AP3B1: variants seen among roughly 807,000 people sequenced by gnomAD.
AP3B1 encodes the protein AP-3 complex subunit beta-1.
Under a neutral mutation model 132.5 loss-of-function variants are expected in AP3B1, and 61 were observed. The ratio of observed to expected loss-of-function variants is 0.46; its 90% CI spans 0.37 to 0.57. The LOEUF (loss-of-function observed/expected upper bound fraction) is 0.57. Among genes scored for constraint, AP3B1 ranks in the 20% least tolerant of loss-of-function variants. The probability of loss-of-function intolerance (pLI) is 0.00; values close to 1 mark genes in which losing one functional copy is unlikely to be tolerated. For synonymous variants in AP3B1, 388 were observed against 438.3 expected (o/e 0.89, Z 1.43); for missense variants, 1,120 against 1,289.4 (o/e 0.87, Z 2.01).
At chr5:78,282,848 C>CA (rs70997985) in intron 1 of AP3B1, among the ~76,000 whole-genome samples, 32,627 of 128,922 alleles carry the variant, frequency 0.25, 4,322 homozygotes, top group Middle Eastern at 0.33. Flanking sequence ...TTGTCTCTAC[C>CA]AAAAAAAAAA....
intron 24 of AP3B1, among the ~76,000 whole-genome samples, chr5:78,031,685 T>A (rs184276229): frequency 5.3e-5 from 8 of 152,336 alleles, no homozygotes; most frequent in Admixed American, 1.3e-4. Context: ...GCCAGATTGG[T>A]TCTTACCATT....
chr5:78,292,826 G>GT (rs35617749), intron 1 of AP3B1, among the ~76,000 whole-genome samples: 42,334 of 151,096 alleles, frequency 0.28, 6,351 homozygotes, highest in Middle Eastern at 0.39. Context: ...AAAGCCGTAA[G>GT]TTTTTTTTGT....
At chr5:78,243,273 CCATTCATTCATT>C (rs148044734) in intron 2 of AP3B1, among the ~76,000 whole-genome samples, 10 of 151,820 alleles carry the variant, frequency 6.6e-5, no homozygotes, top group South Asian at 6.2e-4. Context: ...AGGACCCCTG[CCATTCATTCATT>C]CATTCATTCA....
chr5:78,255,309 G>A (rs1747804692), intron 2 of AP3B1, among the ~76,000 whole-genome samples: 1 of 151,868 alleles, frequency 6.6e-6, no homozygotes, highest in South Asian at 2.1e-4. Flanking sequence ...GTGGCCGAAT[G>A]GATGAAAAAA....
intron 15 of AP3B1, among the ~76,000 whole-genome samples, chr5:78,131,410 T>G (rs1752682765): frequency 6.6e-6 from 1 of 152,068 alleles, no homozygotes; most frequent in South Asian, 2.1e-4. Context: ...GACAATCATG[T>G]AATCTCAGAG....
At position 78,262,797 on chromosome 5, in the gene AP3B1, C is replaced by G. The variant is rs949491351; in HGVS notation, c.204+4723G>C. Among the ~76,000 whole-genome samples, 2 of 151,544 alleles carry G rather than the reference C, an allele frequency of 1.3e-5. 1 individual carries two copies. Among genetic ancestry groups the G allele is most frequent in the South Asian group, 4.2e-4 (2 of 4,774 alleles). On this transcript the variant is annotated intron_variant, in intron 2 of 26. Transcript: ENST00000255194. ...AAGCGATACCACAACCTCAGCCTCC[C>G]AAGCAGCTGGGACCACAGGCACAGG...
At chr5:78,020,825 A>G in intron 24 of AP3B1, 36 bp from the exon 25 acceptor site, 1 of 1,480,388 alleles carries the variant, frequency 6.8e-7, no homozygotes, top group South Asian at 1.1e-5. Flanking sequence ...TAAATGCTTC[A>G]TAAATAAACA....
chr5:78,126,104 C>T (rs997183347), intron 17 of AP3B1, among the ~76,000 whole-genome samples: 9 of 150,172 alleles, frequency 6.0e-5, no homozygotes, highest in Non-Finnish European at 8.9e-5. Context: ...AAAAAACGAA[C>T]CATAAAAACA....
chr5:78,104,242 T>G (rs1751243456), intron 20 of AP3B1, among the ~76,000 whole-genome samples: 1 of 152,154 alleles, frequency 6.6e-6, no homozygotes, highest in African/African-American at 2.4e-5. Context: ...AATATGATTT[T>G]AAAAATCTGA....
At chr5:78,190,939 A>G (rs1744800869) in intron 7 of AP3B1, among the ~76,000 whole-genome samples, 1 of 152,160 alleles carries the variant, frequency 6.6e-6, no homozygotes, top group Non-Finnish European at 1.5e-5. Context: ...CTCATACTTG[A>G]GGATTTATAA....
chr5:78,176,576 C>A (rs1744157093), intron 9 of AP3B1, among the ~76,000 whole-genome samples: 2 of 152,046 alleles, frequency 1.3e-5, no homozygotes, highest in Admixed American at 1.3e-4. Context: ...ATTAAAACAA[C>A]TAATTACTGA....
At chr5:78,167,630 T>TAC (rs766621981) in intron 11 of AP3B1, among the ~76,000 whole-genome samples, 1,612 of 150,786 alleles carry the variant, frequency 0.011, 21 homozygotes, top group African/African-American at 0.028. Context: ...ATGTTATATA[T>TAC]ATACACACAC....
chr5:78,043,669 A>G, intron 22 of AP3B1: 1 of 454,762 alleles, frequency 2.2e-6, no homozygotes, highest in Non-Finnish European at 4.4e-6. Flanking sequence ...AGGAACCCCC[A>G]GCAGAGACTC....
At chr5:78,225,471 A>G in intron 6 of AP3B1, 71 bp downstream of exon 6, 5 of 830,004 alleles carry the variant, frequency 6.0e-6, no homozygotes, top group Non-Finnish European at 9.7e-6. Context: ...TATATAAAAT[A>G]TATAATGGTA....
intron 22 of AP3B1, among the ~76,000 whole-genome samples, chr5:78,083,518 A>G (rs1265018672): frequency 1.3e-5 from 2 of 151,990 alleles, no homozygotes; most frequent in African/African-American, 4.8e-5. Context: ...ATTGATGTTT[A>G]TGTGTTTGCA....
At chr5:78,133,294 G>A (rs1181676361) in intron 15 of AP3B1, among the ~76,000 whole-genome samples, 1 of 152,162 alleles carries the variant, frequency 6.6e-6, no homozygotes, top group East Asian at 1.9e-4. Flanking sequence ...AAAGGAAGAA[G>A]TTAGTTATGT....
At chr5:78,214,425 G>A (rs1482888494) in intron 7 of AP3B1, among the ~76,000 whole-genome samples, 3 of 152,058 alleles carry the variant, frequency 2.0e-5, no homozygotes, top group Non-Finnish European at 2.9e-5. Flanking sequence ...ATTTTACTAC[G>A]GGTTACATAT....
intron 26 of AP3B1, among the ~76,000 whole-genome samples, chr5:78,005,903 T>C (rs1421916499): frequency 2.6e-5 from 4 of 152,140 alleles, no homozygotes; most frequent in Admixed American, 6.5e-5. Context: ...AAGTAATAAA[T>C]AGCTAGCTTT....
At chr5:78,085,584 T>C (rs1192387330) in intron 22 of AP3B1, among the ~76,000 whole-genome samples, 8 of 152,310 alleles carry the variant, frequency 5.3e-5, no homozygotes, top group African/African-American at 1.7e-4. Context: ...TTCTGATTTG[T>C]TATACCATAA....
Sources: allele counts gnomAD v4.1 joint callset (sites outside exome capture counted in the v4.1 genomes callset), GRCh38; gene constraint gnomAD v4.1.1; transcripts MANE v1.5; gene names NCBI Gene and HGNC (gene_info 2026-07-23, HGNC 2026-07-21).